The following PARP15 variants were observed in gnomAD, a reference collection of about 807,000 sequenced individuals.
PARP15 encodes the protein protein mono-ADP-ribosyltransferase PARP15.
Under a neutral mutation model 62.1 loss-of-function variants are expected in PARP15, and 50 were observed. The observed-to-expected ratio is 0.81, with a 90% CI of 0.64 to 1.02. The LOEUF is 1.02. Among genes scored for constraint, PARP15 ranks in the 50% least tolerant of loss-of-function variants. The pLI, the probability that PARP15 is intolerant of heterozygous loss-of-function variation, is 0.00. For missense variants in PARP15, 820 were observed against 826.5 expected, an observed-to-expected ratio of 0.99 and a Z score of 0.10; for synonymous variants, 309 against 293.1, an observed-to-expected ratio of 1.05 and a Z score of -0.55.
intron 10 of PARP15, among the ~76,000 whole-genome samples, chr3:122,633,517 C>T (rs1278492361): frequency 6.6e-6 from 1 of 151,960 alleles, no homozygotes; most frequent in Non-Finnish European, 1.5e-5. Flanking sequence ...TGTGTACAGA[C>T]CTTTTCTTTT....
At chr3:122,620,612 A>G in intron 7 of PARP15, among the ~76,000 whole-genome samples, 1 of 152,162 alleles carries the variant, frequency 6.6e-6, no homozygotes, top group East Asian at 1.9e-4. Context: ...TTGATTACTA[A>G]CATGAGGACG....
chr3:122,630,063 A>C (rs1936974083), intron 9 of PARP15, among the ~76,000 whole-genome samples: 1 of 152,156 alleles, frequency 6.6e-6, no homozygotes, highest in Non-Finnish European at 1.5e-5. Context: ...AAAAAACACT[A>C]ATCTTTTCAA....
rs758363607 is a variant in PARP15 at position 122,610,740 on chromosome 3, G to C, written c.543+10G>C. The C allele has an allele frequency of 2.0e-6, 3 of 1,497,412 alleles. No individual in the cohort carries two copies. Among genetic ancestry groups the C allele is most frequent in the South Asian group, 1.4e-5 (1 of 73,416 alleles). 92.8% of individuals were successfully genotyped at this position (1,497,412 alleles called of 1,614,324 possible). On this transcript the variant is annotated intron_variant, in intron 3 of 11. Coordinates refer to ENST00000464300, the MANE Select transcript of PARP15 (RefSeq NM_001113523.3). The stretch of plus-strand genomic sequence containing the variant: ...AGAGACTTCTTGGCAGGTAGGGAAC[G>C]CTCTTAGTTCTCCAACGTATTGGGT...
Position 122,577,783 on chromosome 3 carries a change from C to A in PARP15, c.116C>A (p.Ala39Glu). 1 of 1,551,404 alleles carries A rather than the reference C, an allele frequency of 6.4e-7. No individual in the cohort carries two copies. The highest frequency in any genetic ancestry group is 8.7e-7 in the Non-Finnish European group (1 of 1,146,868). Residue 39 changes from alanine to glutamate, a missense_variant, in exon 1 of 12, where the codon GCG becomes GAG. Coordinates refer to ENST00000464300, the MANE Select transcript of PARP15 (RefSeq NM_001113523.3). ...VTSRAGRDREAGSVLPAGNRG... is the reference protein window; with the variant it reads ...VTSRAGRDREEGSVLPAGNRG... ...TCCAGAGCCGGACGAGATCGGGAGG[C>A]GGGGAGCGTGCTGCCGGCCGGGAAC...
intron 1 of PARP15, among the ~76,000 whole-genome samples, chr3:122,605,158 T>G (rs1350748880): frequency 6.6e-6 from 1 of 152,186 alleles, no homozygotes; most frequent in Non-Finnish European, 1.5e-5. Flanking sequence ...GCAAGGTTGC[T>G]GCTGTATTTT....
intron 1 of PARP15, among the ~76,000 whole-genome samples, chr3:122,598,916 A>G (rs942658836): frequency 6.6e-6 from 1 of 151,436 alleles, no homozygotes; most frequent in Non-Finnish European, 1.5e-5. Flanking sequence ...TTTGAGATGG[A>G]GTTTTGCTCT....
intron 1 of PARP15, among the ~76,000 whole-genome samples, chr3:122,578,241 A>C (rs1282723518): frequency 6.6e-6 from 1 of 152,002 alleles, no homozygotes; most frequent in Non-Finnish European, 1.5e-5. Context: ...AAGACTTACC[A>C]GTCTTTTATT....
rs1933938136 is a variant in PARP15 at position 122,591,761 on chromosome 3, T to TTC, written c.186+13908_186+13909insTC. 6.0e-4 allele frequency among the ~76,000 whole-genome samples: 3 copies of TTC among 4,980 alleles called. No individual in the cohort carries two copies. In the South Asian group the frequency reaches 0.012, roughly 21 times the overall value. The allele number at this position is 4,980 out of a possible 152,430, so 3.3% of individuals were successfully genotyped here. On this transcript the variant is annotated intron_variant, in intron 1 of 11. Coordinates refer to ENST00000464300, the MANE Select transcript of PARP15 (RefSeq NM_001113523.3). ...AGCCTGGTGACAGAGCGAGACTCTG[T>TTC]CTCAAAAAAAAAAAAAAAAAGGTAT...
intron 4 of PARP15, chr3:122,615,488 G>A: frequency 3.3e-6 from 4 of 1,216,558 alleles, no homozygotes; most frequent in Non-Finnish European, 4.3e-6. Context: ...GATAACGATA[G>A]TGGTCACAAA....
rs1553725427 is a variant in PARP15 at position 122,580,003 on chromosome 3, A to ATATATATATG, written c.186+2159_186+2160insGTATATATAT. On this transcript the variant is annotated intron_variant, in intron 1 of 11. Transcript: ENST00000464300. ...GAACAACAACAGCAACTATATGTAT[A>ATATATATATG]TATATATATATATATATATATATAT... 2.0e-4 allele frequency among the ~76,000 whole-genome samples: 19 copies of ATATATATATG among 94,242 alleles called. 1 individual carries two copies. Among genetic ancestry groups the ATATATATATG allele is most frequent in the Non-Finnish European group, 4.1e-4 (18 of 44,016 alleles). The allele number at this position is 94,242 out of a possible 152,430, so 61.8% of individuals were successfully genotyped here.
At chr3:122,623,115 G>C (rs896414053) in intron 8 of PARP15, among the ~76,000 whole-genome samples, 1 of 152,142 alleles carries the variant, frequency 6.6e-6, no homozygotes, top group Non-Finnish European at 1.5e-5. Context: ...GCGGTAATGA[G>C]GCCAATAGGG....
chr3:122,586,997 TA>T (rs1403934064), intron 1 of PARP15, among the ~76,000 whole-genome samples: 1 of 152,264 alleles, frequency 6.6e-6, no homozygotes, highest in East Asian at 1.9e-4. Flanking sequence ...ACTGTCTCCA[TA>T]ACTTTGCCTT....
chr3:122,623,897 A>T, intron 8 of PARP15, among the ~76,000 whole-genome samples: 1 of 152,170 alleles, frequency 6.6e-6, no homozygotes, highest in East Asian at 1.9e-4. Context: ...TAATCCTAGC[A>T]CTTTGCGGGG....
intron 1 of PARP15, among the ~76,000 whole-genome samples, chr3:122,588,552 A>G (rs1015705900): frequency 1.3e-5 from 2 of 152,134 alleles, no homozygotes; most frequent in Non-Finnish European, 2.9e-5. Context: ...CTGCTACTTC[A>G]GAAGCTGAGG....
intron 1 of PARP15, among the ~76,000 whole-genome samples, chr3:122,584,643 T>C (rs1933270435): frequency 1.4e-5 from 2 of 142,830 alleles, no homozygotes; most frequent in South Asian, 4.4e-4. Flanking sequence ...AATGGCACAA[T>C]TTTGGCTCAC....
intron 1 of PARP15, among the ~76,000 whole-genome samples, chr3:122,599,777 GT>G (rs1371223087): frequency 1.3e-5 from 2 of 152,140 alleles, no homozygotes; most frequent in East Asian, 3.9e-4. Flanking sequence ...GTTTTGCTAT[GT>G]TGGCCGGGCT....
intron 2 of PARP15, among the ~76,000 whole-genome samples, chr3:122,606,421 C>T (rs575721472): frequency 3.6e-4 from 55 of 152,230 alleles, no homozygotes; most frequent in Non-Finnish European, 6.5e-4. Context: ...AATCACCCTT[C>T]ACAAACACGC....
At chr3:122,633,356 G>A (rs1218829321) in intron 10 of PARP15, among the ~76,000 whole-genome samples, 1 of 152,198 alleles carries the variant, frequency 6.6e-6, no homozygotes, top group South Asian at 2.1e-4. Context: ...CCTGCAGGAA[G>A]GACAGAATTT....
At position 122,596,354 on chromosome 3, in the gene PARP15, C is replaced by CAA. The variant is rs35559014; in HGVS notation, c.187-9557_187-9556dup. 5.6e-3 allele frequency among the ~76,000 whole-genome samples: 261 copies of CAA among 46,912 alleles called. 15 individuals carry two copies. The highest frequency in any genetic ancestry group is 0.02 in the African/African-American group (227 of 11,262). The allele number at this position is 46,912 out of a possible 152,430, so 30.8% of individuals were successfully genotyped here. ...CTGGCAACAGAGCGAGACTCCATCTCAAAAAAAAAAAAAAAAAAAAAAAAA... is the reference window on the plus strand; with the variant it reads ...CTGGCAACAGAGCGAGACTCCATCTCAAAAAAAAAAAAAAAAAAAAAAAAAAA... On this transcript the variant is annotated intron_variant, in intron 1 of 11. Coordinates refer to ENST00000464300, the MANE Select transcript of PARP15 (RefSeq NM_001113523.3).
Sources: gnomAD v4.1 joint callset for allele counts (sites outside exome capture counted in the v4.1 genomes callset) on GRCh38, gnomAD v4.1.1 for gene constraint, MANE v1.5 for transcripts, NCBI Gene and HGNC (gene_info 2026-07-23, HGNC 2026-07-21) for gene names.